FNIP1: variants seen among roughly 807,000 people sequenced by gnomAD.
FNIP1 encodes the protein folliculin interacting protein 1, also known as folliculin-interacting protein 1.
FNIP1 carries 40 observed loss-of-function variants against 124.5 expected under a neutral mutation model. That is an observed-to-expected ratio of 0.32 (90% CI 0.25 to 0.42). The LOEUF is 0.42. Among genes scored for constraint, FNIP1 ranks in the 10% least tolerant of loss-of-function variants. FNIP1 has a pLI of 1.00. For missense variants in FNIP1, 1,176 were observed against 1,403.7 expected, an observed-to-expected ratio of 0.84 and a Z score of 2.59; for synonymous variants, 472 against 470.6, an observed-to-expected ratio of 1.00 and a Z score of -0.04.
chr5:131,756,833 G>A (rs1197508753), intron 1 of FNIP1, among the ~76,000 whole-genome samples: 1 of 152,124 alleles, frequency 6.6e-6, no homozygotes, highest in African/African-American at 2.4e-5. Flanking sequence ...AAAGAAAATG[G>A]GGAAAGGAGC....
At chr5:131,796,185 A>G (rs1396938710) in intron 1 of FNIP1, 1 of 152,278 alleles carries the variant, frequency 6.6e-6, no homozygotes, top group South Asian at 2.1e-4. Context: ...ATTTCATTCA[A>G]TTTGGTCTTC....
chr5:131,783,707 T>G lies in FNIP1; in HGVS notation c.92+13123A>C, dbSNP rs149362198. On this transcript the variant is annotated intron_variant, in intron 1 of 17. Coordinates refer to ENST00000510461, the MANE Select transcript of FNIP1 (RefSeq NM_133372.3). ...AAAATCAAGAAAACCCCCAAAAAGC[T>G]TCTTGGGGGTCAGTTATGGCTTTTG... is the stretch of plus-strand genomic sequence containing the variant. 4.7e-3 allele frequency among the ~76,000 whole-genome samples: 710 copies of G among 152,202 alleles called. 8 individuals carry two copies. Among genetic ancestry groups the G allele is most frequent in the African/African-American group, 0.016 (674 of 41,556 alleles).
At chr5:131,778,320 T>C (rs1170841930) in intron 1 of FNIP1, among the ~76,000 whole-genome samples, 1 of 152,170 alleles carries the variant, frequency 6.6e-6, no homozygotes, top group Non-Finnish European at 1.5e-5. Flanking sequence ...GAAAGTAATG[T>C]AGACAGAGGA....
At chr5:131,767,057 G>C (rs1004813585) in intron 1 of FNIP1, among the ~76,000 whole-genome samples, 5 of 152,060 alleles carry the variant, frequency 3.3e-5, no homozygotes, top group African/African-American at 4.8e-5. Flanking sequence ...GTCAGGCTGA[G>C]ACCTAACATT....
rs760450724 is a variant in FNIP1 at position 131,677,838 on chromosome 5, T to A, written c.1384A>T (p.Asn462Tyr). The A allele has an allele frequency of 6.2e-7, 1 of 1,614,112 alleles. No homozygotes were observed. The highest frequency in any genetic ancestry group is 8.5e-7 in the Non-Finnish European group (1 of 1,179,990). ...ACTGTTGGAACCCAGGCAAGATGATTGGTCAGAACTGCAGTAATGAGAGCT... is the reference window on the plus strand; with the variant it reads ...ACTGTTGGAACCCAGGCAAGATGATAGGTCAGAACTGCAGTAATGAGAGCT... ...LPALITAVLTNHLAWVPTVMP... is the reference protein window; with the variant it reads ...LPALITAVLTYHLAWVPTVMP... Residue 462 changes from asparagine (N) to tyrosine (Y), a missense_variant, in exon 13 of 18, where the codon AAT becomes TAT. Physicochemically the swap from Asn to Tyr is moderately radical, Grantham distance 143 (BLOSUM62 -2). Coordinates refer to ENST00000510461, the MANE Select transcript of FNIP1 (RefSeq NM_133372.3).
intron 1 of FNIP1, among the ~76,000 whole-genome samples, chr5:131,766,681 A>G (rs552676875): frequency 6.6e-6 from 1 of 152,342 alleles, no homozygotes; most frequent in South Asian, 2.1e-4. Context: ...AGCATGGCTC[A>G]GTCCAAATCC....
At chr5:131,707,737 C>T (rs1408613666) in intron 8 of FNIP1, among the ~76,000 whole-genome samples, 2 of 152,068 alleles carry the variant, frequency 1.3e-5, no homozygotes, top group South Asian at 2.1e-4. Flanking sequence ...CATTTCACTG[C>T]ATTCTAATAT....
chr5:131,727,623 C>T (rs915605775), intron 3 of FNIP1, among the ~76,000 whole-genome samples: 3 of 152,074 alleles, frequency 2.0e-5, no homozygotes, highest in Non-Finnish European at 4.4e-5. Context: ...GGTCTTGACT[C>T]GTTATCCAAT....
At chr5:131,790,992 C>T (rs1440308576) in intron 1 of FNIP1, among the ~76,000 whole-genome samples, 2 of 152,088 alleles carry the variant, frequency 1.3e-5, no homozygotes, top group Non-Finnish European at 2.9e-5. Context: ...CAGAAGTCAA[C>T]CTAAAAAGGC....
chr5:131,720,841 G>A (rs1347493223), intron 3 of FNIP1, among the ~76,000 whole-genome samples: 2 of 152,198 alleles, frequency 1.3e-5, no homozygotes, highest in Non-Finnish European at 2.9e-5. Context: ...AACAAGTGGT[G>A]AGGATGTGGG....
rs951250277 is a variant in FNIP1 at position 131,777,260 on chromosome 5, C to CT, written c.92+19569dup. Among the ~76,000 whole-genome samples, 677 of 148,600 alleles carry CT rather than the reference C, an allele frequency of 4.6e-3. 12 individuals carry two copies. Among genetic ancestry groups the CT allele is most frequent in the African/African-American group, 0.016 (655 of 40,634 alleles). On this transcript the variant is annotated intron_variant, in intron 1 of 17. Coordinates refer to ENST00000510461, the MANE Select transcript of FNIP1 (RefSeq NM_133372.3). ...AATTTGAATTGGAACTTTCAGTTAA[C>CT]TTTTTTTTTTGAACAAGAGAAATTT...
chr5:131,698,727 G>A (rs1014909906), intron 11 of FNIP1, among the ~76,000 whole-genome samples, 190 bp downstream of exon 11: 1 of 152,044 alleles, frequency 6.6e-6, no homozygotes, highest in African/African-American at 2.4e-5. Flanking sequence ...ACCACTGATG[G>A]CTCTCAATGT....
chr5:131,736,995 C>A (rs974592458), intron 2 of FNIP1, among the ~76,000 whole-genome samples: 1 of 152,070 alleles, frequency 6.6e-6, no homozygotes, highest in African/African-American at 2.4e-5. Context: ...AAAATTATAA[C>A]CTAGTTATAG....
intron 15 of FNIP1, among the ~76,000 whole-genome samples, 177 bp downstream of exon 15, chr5:131,670,286 C>A (rs1767712505): frequency 6.6e-6 from 1 of 152,140 alleles, no homozygotes; most frequent in South Asian, 2.1e-4. Context: ...ATTTCTGGAA[C>A]TTTATTTGCT....
At chr5:131,703,966 C>T in intron 10 of FNIP1, 99 bp downstream of exon 10, 5 of 1,036,022 alleles carry the variant, frequency 4.8e-6, no homozygotes, top group Non-Finnish European at 6.9e-6. Flanking sequence ...GACACATGCA[C>T]AACGTCTGTT....
chr5:131,736,051 A>G (rs1244297396), intron 2 of FNIP1, among the ~76,000 whole-genome samples: 1 of 152,132 alleles, frequency 6.6e-6, no homozygotes, highest in Non-Finnish European at 1.5e-5. Flanking sequence ...CTGGGATTAC[A>G]GGTGTGAGCC....
At position 131,644,709 on chromosome 5, in the gene FNIP1, T is replaced by G. The variant is rs777609859; in HGVS notation, c.3477A>C (p.Pro1159=). 1.2e-6 allele frequency: 2 copies of G among 1,613,944 alleles called. No individual in the cohort carries two copies. The highest frequency in any genetic ancestry group is 2.7e-5 in the African/African-American group (2 of 75,030). ...ATTAAAGGAGTATTTGTGCAACATA[T>G]GGAGAGTGAGTGCTTGCTACAGCAG... ...LLAAVASTHS[P]YVAQILL The change falls in exon 18 of 18, where the codon CCA becomes CCC. Residue 1159 remains proline, a synonymous_variant. Transcript: ENST00000510461.
intron 1 of FNIP1, among the ~76,000 whole-genome samples, chr5:131,757,254 C>T (rs530447209): frequency 4.6e-5 from 7 of 152,210 alleles, no homozygotes; most frequent in Admixed American, 3.3e-4. Flanking sequence ...GCTAACAAGG[C>T]TCAAGGTACA....
In FNIP1 at chr5:131,789,356, A is replaced by T. The variant is rs1772323872; in HGVS notation, c.92+7474T>A. Among the ~76,000 whole-genome samples the T allele has an allele frequency of 2.0e-5, 3 of 152,320 alleles. 1 individual carries two copies. In the South Asian group the frequency reaches 6.2e-4, roughly 32 times the overall value. ...TGACAAATTTTTAAAAATCCCATTT[A>T]AAAAACAAAACTTCTGAAACATGAT... On this transcript the variant is annotated intron_variant, in intron 1 of 17. Coordinates refer to ENST00000510461, the MANE Select transcript of FNIP1 (RefSeq NM_133372.3).
Sources: allele counts gnomAD v4.1 joint callset (sites outside exome capture counted in the v4.1 genomes callset), GRCh38; gene constraint gnomAD v4.1.1; transcripts MANE v1.5; gene names NCBI Gene and HGNC (gene_info 2026-07-23, HGNC 2026-07-21).